RAD21L1: variants seen among roughly 807,000 people sequenced by gnomAD.
RAD21L1 encodes the protein RAD21 cohesin complex component like 1, also known as double-strand-break repair protein rad21-like protein 1.
A neutral mutation model predicts 69.0 loss-of-function variants in RAD21L1; 47 were observed. The observed-to-expected ratio is 0.68, with a 90% confidence interval of 0.54 to 0.87. The LOEUF is 0.87. Among genes scored for constraint, RAD21L1 ranks in the 40% least tolerant of loss-of-function variants. RAD21L1 has a pLI of 0.00. For missense variants in RAD21L1, 583 were observed against 647.6 expected (o/e 0.90, Z 1.08); for synonymous variants, 177 against 205.8 (o/e 0.86, Z 1.20).
Position 1,246,175 on chromosome 20 carries a change from G to A in RAD21L1, c.1309-38G>A, listed in dbSNP as rs1332975255. ...ATTAGATTGTTCCTGTATAACCACTGGCAGATTTACCTAACTTTCCCTAAT... is the reference window on the plus strand; with the variant it reads ...ATTAGATTGTTCCTGTATAACCACTAGCAGATTTACCTAACTTTCCCTAAT... On this transcript the variant is annotated intron_variant, in intron 11 of 13. Coordinates refer to ENST00000683101, the MANE Select transcript of RAD21L1 (RefSeq NM_001384355.1). The surrounding 1 kb of genome is among the most constrained non-coding windows in gnomAD (Gnocchi z 4.6). The A allele has an allele frequency of 8.7e-7, 1 of 1,145,594 alleles. No homozygotes were observed. The allele number at this position is 1,145,594 out of a possible 1,614,324, so 71.0% of individuals were successfully genotyped here.
chr20:1,247,984 G>A (rs2087749893), intron 12 of RAD21L1, among the ~76,000 whole-genome samples: 1 of 147,524 alleles, frequency 6.8e-6, no homozygotes, highest in Admixed American at 6.9e-5. Flanking sequence ...TAGTTTGTAA[G>A]GGATTAGAAT....
At chr20:1,230,095 A>G (rs2087359934) in intron 3 of RAD21L1, 86 bp downstream of exon 3, 1 of 942,780 alleles carries the variant, frequency 1.1e-6, no homozygotes, top group African/African-American at 1.7e-5. Context: ...ACTTCAGGCT[A>G]GTATGGTGAA....
intron 8 of RAD21L1, 145 bp downstream of exon 8, chr20:1,240,579 A>G: frequency 7.7e-7 from 1 of 1,301,078 alleles, no homozygotes; most frequent in African/African-American, 1.5e-5. Flanking sequence ...AAGACGGTGA[A>G]GAAAATTTTA....
intron 6 of RAD21L1, 79 bp from the exon 7 acceptor site, chr20:1,239,232 TA>T: frequency 1.3e-6 from 1 of 763,346 alleles, no homozygotes. Context: ...ATGAAATGCA[TA>T]AAGTAACATT....
chr20:1,240,520 T>C (rs1164794454), intron 8 of RAD21L1, 86 bp downstream of exon 8: 1 of 1,466,504 alleles, frequency 6.8e-7, no homozygotes, highest in African/African-American at 1.4e-5. Context: ...ACTGAAATAT[T>C]ATAGGAGATA....
intron 12 of RAD21L1, among the ~76,000 whole-genome samples, chr20:1,248,292 A>G (rs1192245632): frequency 6.6e-6 from 1 of 152,080 alleles, no homozygotes; most frequent in Non-Finnish European, 1.5e-5. Context: ...GAACTAGGAT[A>G]ACCCTAGGCA....
At chr20:1,230,952 C>T (rs917582155) in intron 3 of RAD21L1, 1 of 155,916 alleles carries the variant, frequency 6.4e-6, no homozygotes, top group Non-Finnish European at 1.4e-5. Context: ...TAAAACATTA[C>T]AGTAATTGTA....
At chr20:1,233,853 C>A (rs1266210655) in intron 4 of RAD21L1, among the ~76,000 whole-genome samples, 1 of 152,134 alleles carries the variant, frequency 6.6e-6, no homozygotes, top group Non-Finnish European at 1.5e-5. Context: ...AAGTCAACAT[C>A]TAAGTCAAGT....
intron 13 of RAD21L1, 72 bp from the exon 14 acceptor site, chr20:1,254,197 G>T: frequency 3.1e-6 from 3 of 980,128 alleles, no homozygotes; most frequent in Non-Finnish European, 4.3e-6. Flanking sequence ...TGTTTATTAC[G>T]CATTTATAGC....
chr20:1,226,920 A>AT (rs990259373), intron 1 of RAD21L1, among the ~76,000 whole-genome samples: 11 of 152,074 alleles, frequency 7.2e-5, no homozygotes, highest in East Asian at 1.9e-4. Context: ...AGTACATTTG[A>AT]TTTTTTTGAG....
At position 1,228,403 on chromosome 20, in the gene RAD21L1, C is replaced by A. The variant is rs899231376; in HGVS notation, c.-32-19C>A. 3.2e-5 allele frequency: 42 copies of A among 1,319,190 alleles called. No individual in the cohort carries two copies. Among genetic ancestry groups the A allele is most frequent in the Non-Finnish European group, 4.1e-5 (42 of 1,015,128 alleles). The allele number at this position is 1,319,190 out of a possible 1,614,324, so 81.7% of individuals were successfully genotyped here. On this transcript the variant is annotated intron_variant, in intron 1 of 13. Coordinates refer to ENST00000683101, the MANE Select transcript of RAD21L1 (RefSeq NM_001384355.1). Reference sequence around the variant, plus strand: ...GTTTTTGTAATAAAATTTTAAATTTCTTTTCGTGTTCTCTCTAGTTTGTTA... The same window carrying A: ...GTTTTTGTAATAAAATTTTAAATTTATTTTCGTGTTCTCTCTAGTTTGTTA...
At chr20:1,245,244 C>G (rs1254600503) in intron 11 of RAD21L1, among the ~76,000 whole-genome samples, 1 of 152,014 alleles carries the variant, frequency 6.6e-6, no homozygotes, top group Non-Finnish European at 1.5e-5. Context: ...AAATGGTTAA[C>G]AAATGTGAAA....
intron 13 of RAD21L1, among the ~76,000 whole-genome samples, chr20:1,250,275 A>G (rs1239669511): frequency 7.7e-6 from 1 of 129,556 alleles, no homozygotes; most frequent in African/African-American, 2.9e-5. Flanking sequence ...TTATTATACT[A>G]TGAGTTTTAG....
Position 1,230,866 on chromosome 20 carries a change from T to G in RAD21L1, c.275-660T>G, listed in dbSNP as rs115652855. 1.9e-3 allele frequency: 494 copies of G among 254,050 alleles called. 1 individual carries two copies. The highest frequency in any genetic ancestry group is 0.011 in the African/African-American group (473 of 43,570). 15.7% of individuals were successfully genotyped at this position (254,050 alleles called of 1,614,324 possible). ...CTTTGTACCAAACACTATGTTAGGCTCTGGGATATAAAGACAAACAAGATA... is the reference window on the plus strand; with the variant it reads ...CTTTGTACCAAACACTATGTTAGGCGCTGGGATATAAAGACAAACAAGATA... On this transcript the variant is annotated intron_variant, in intron 3 of 13. Transcript: ENST00000683101.
intron 5 of RAD21L1, among the ~76,000 whole-genome samples, chr20:1,237,004 A>G (rs2122805043): frequency 6.6e-6 from 1 of 152,324 alleles, no homozygotes; most frequent in East Asian, 1.9e-4. Context: ...GTTTTTGAAA[A>G]AGTAATTTAG....
Position 1,231,563 on chromosome 20 carries a change from T to C in RAD21L1, c.312T>C (p.Ser104=), listed in dbSNP as rs2087391189. The change falls in exon 4 of 14, where the codon TCT becomes TCC. Residue 104 remains serine (S), a synonymous_variant. Coordinates refer to ENST00000683101, the MANE Select transcript of RAD21L1 (RefSeq NM_001384355.1). ...VDLPKENFEA[S]YNAITLPEEF... ...TTCCAAAAGAGAATTTTGAAGCATCTTACAATGCTATCACATTGCCAGAAG... is the reference window on the plus strand; with the variant it reads ...TTCCAAAAGAGAATTTTGAAGCATCCTACAATGCTATCACATTGCCAGAAG... 6.5e-7 allele frequency: 1 copy of C among 1,541,410 alleles called. No homozygotes were observed. The highest frequency in any genetic ancestry group is 8.8e-7 in the Non-Finnish European group (1 of 1,140,144).
chr20:1,241,568 CTG>C (rs1464483352), intron 8 of RAD21L1, among the ~76,000 whole-genome samples: 1 of 152,098 alleles, frequency 6.6e-6, no homozygotes, highest in Non-Finnish European at 1.5e-5. Flanking sequence ...GAAATTCAAT[CTG>C]TGTAGCTTCC....
intron 4 of RAD21L1, among the ~76,000 whole-genome samples, chr20:1,233,155 C>G (rs2087426028): frequency 6.6e-6 from 1 of 152,120 alleles, no homozygotes; most frequent in Non-Finnish European, 1.5e-5. Context: ...CCCGAATGGA[C>G]TAACACAATA....
At chr20:1,230,721 A>G (rs1189528951) in intron 3 of RAD21L1, 3 of 546,516 alleles carry the variant, frequency 5.5e-6, no homozygotes, top group Admixed American at 1.3e-4. Flanking sequence ...GATTTTTTTT[A>G]ATCTTCTTCA....
Sources: allele counts gnomAD v4.1 joint callset (sites outside exome capture counted in the v4.1 genomes callset), GRCh38; gene constraint gnomAD v4.1.1; non-coding constraint Gnocchi (gnomAD v3.1); transcripts MANE v1.5; gene names NCBI Gene and HGNC (gene_info 2026-07-23, HGNC 2026-07-21).